Variants in ZNG1F observed in about 807,000 individuals in gnomAD.
The protein encoded by ZNG1F is Zn regulated GTPase metalloprotein activator 1F, also known as zinc-regulated GTPase metalloprotein activator 1F.
chr9:41,190,038 C>T, the ZNG1F span, among the ~76,000 whole-genome samples: 12 of 126,536 alleles, frequency 9.5e-5, no homozygotes, highest in Middle Eastern at 0.013. Context: ...TACCAGTAAG[C>T]TACACGTACC....
chr9:41,183,673 A>G, the ZNG1F span: 1 of 1,606,452 alleles, frequency 6.2e-7, no homozygotes, highest in South Asian at 1.1e-5. Context: ...AGAATAAATA[A>G]CAAACAATAA....
the ZNG1F span, chr9:41,183,653 C>T: frequency 1.1e-5 from 17 of 1,605,104 alleles, no homozygotes; most frequent in Admixed American, 1.7e-5. Context: ...ATTTCTCCAG[C>T]GCACTTCCTA....
the ZNG1F span, among the ~76,000 whole-genome samples, chr9:41,187,487 A>G: frequency 7.0e-6 from 1 of 142,694 alleles, no homozygotes; most frequent in South Asian, 2.3e-4. Context: ...GGTTGGCAAG[A>G]TCCAGATCCT....
the ZNG1F span, among the ~76,000 whole-genome samples, chr9:41,144,427 G>C: frequency 1.6e-5 from 2 of 123,822 alleles, no homozygotes; most frequent in Non-Finnish European, 3.5e-5. Flanking sequence ...CCAAGGACTT[G>C]TATTTCTCTC....
the ZNG1F span, among the ~76,000 whole-genome samples, chr9:41,137,440 T>C: frequency 6.9e-6 from 1 of 145,846 alleles, no homozygotes; most frequent in Admixed American, 7.0e-5. Flanking sequence ...ACAGAACGTA[T>C]ATTCTGTGGT....
the ZNG1F span, among the ~76,000 whole-genome samples, chr9:41,193,859 A>C: frequency 3.7e-3 from 534 of 145,298 alleles, no homozygotes; most frequent in African/African-American, 5.1e-3. Context: ...AGATTGTGCC[A>C]CTGCACTCCA....
At chr9:41,171,695 G>T in the ZNG1F span, among the ~76,000 whole-genome samples, 1 of 85,204 alleles carries the variant, frequency 1.2e-5, no homozygotes, top group East Asian at 3.5e-4. Flanking sequence ...AGGTTGCAGT[G>T]AGCCAAGATG....
chr9:41,183,600 A>G, the ZNG1F span: 2 of 1,600,650 alleles, frequency 1.2e-6, no homozygotes, highest in Non-Finnish European at 1.7e-6. Flanking sequence ...TCTAAGTTCC[A>G]GCCACTCTTC....
At chr9:41,195,704 G>A in the ZNG1F span, among the ~76,000 whole-genome samples, 5 of 99,614 alleles carry the variant, frequency 5.0e-5, no homozygotes, top group African/African-American at 1.6e-4. Context: ...TAGGAGTGGT[G>A]GAATGACAGG....
the ZNG1F span, among the ~76,000 whole-genome samples, chr9:41,150,091 G>C: frequency 9.1e-4 from 40 of 44,192 alleles, no homozygotes; most frequent in African/African-American, 2.0e-3. Flanking sequence ...GTGCCGGACA[G>C]TGGGCGCAGG....
chr9:41,154,652 C>A, the ZNG1F span, among the ~76,000 whole-genome samples: 1 of 147,694 alleles, frequency 6.8e-6, no homozygotes, highest in African/African-American at 2.5e-5. Flanking sequence ...GGTACCAAAA[C>A]AGAGATATAG....
At chr9:41,185,718 A>G in the ZNG1F span, among the ~76,000 whole-genome samples, 7 of 148,728 alleles carry the variant, frequency 4.7e-5, no homozygotes, top group South Asian at 1.3e-3. Flanking sequence ...TCATATGTCT[A>G]GATTTTTACT....
the ZNG1F span, chr9:41,187,962 C>A: frequency 3.1e-5 from 1 of 32,278 alleles, no homozygotes; most frequent in Admixed American, 3.7e-4. Flanking sequence ...GGTATTAATT[C>A]TCACTCCTGA....
the ZNG1F span, among the ~76,000 whole-genome samples, chr9:41,192,950 T>C: frequency 6.6e-6 from 1 of 151,948 alleles, no homozygotes; most frequent in African/African-American, 2.4e-5. Context: ...TACTTTAGGG[T>C]AAAACAACAA....
the ZNG1F span, among the ~76,000 whole-genome samples, chr9:41,203,303 C>T: frequency 5.3e-5 from 8 of 152,168 alleles, no homozygotes; most frequent in Admixed American, 2.6e-4. Flanking sequence ...CACAGTTGAT[C>T]ATCCATTATT....
At chr9:41,183,263 C>G in the ZNG1F span, among the ~76,000 whole-genome samples, 1 of 141,446 alleles carries the variant, frequency 7.1e-6, no homozygotes, top group African/African-American at 2.7e-5. Flanking sequence ...TGACCAATGA[C>G]AGATTAAATT....
the ZNG1F span, among the ~76,000 whole-genome samples, chr9:41,140,608 T>TA: frequency 1.2e-4 from 9 of 73,046 alleles, 1 homozygote; most frequent in East Asian, 3.2e-3. Context: ...AACTGTCAGT[T>TA]AAAAAAAAAT....
the ZNG1F span, among the ~76,000 whole-genome samples, chr9:41,151,597 G>C: frequency 6.6e-6 from 1 of 150,406 alleles, no homozygotes; most frequent in African/African-American, 2.4e-5. Flanking sequence ...AGGGCAGCCA[G>C]AGAGAAAGGT....
chr9:41,154,949 G>A, the ZNG1F span, among the ~76,000 whole-genome samples: 1 of 144,142 alleles, frequency 6.9e-6, no homozygotes, highest in Non-Finnish European at 1.5e-5. Flanking sequence ...CATGGGCAAG[G>A]ACTTCATGTC....
Sources: allele counts gnomAD v4.1 joint callset (sites outside exome capture counted in the v4.1 genomes callset), GRCh38; gene constraint gnomAD v4.1.1; transcripts MANE v1.5; gene names NCBI Gene and HGNC (gene_info 2026-07-23, HGNC 2026-07-21).